Variants in C1GALT1 observed in about 807,000 individuals in gnomAD.
C1GALT1 encodes the protein core 1 synthase, glycoprotein-N-acetylgalactosamine 3-beta-galactosyltransferase 1, also known as glycoprotein-N-acetylgalactosamine 3-beta-galactosyltransferase 1.
A neutral mutation model predicts 31.0 loss-of-function variants in C1GALT1; 11 were observed. The observed-to-expected ratio is 0.36, with a 90% CI of 0.22 to 0.59. The LOEUF (loss-of-function observed/expected upper bound fraction) is 0.59. Ranked by LOEUF, C1GALT1 falls within the 20% of genes least tolerant of loss-of-function variation. The probability of loss-of-function intolerance (pLI) is 0.79; values close to 1 mark genes in which losing one functional copy is unlikely to be tolerated. For missense variants in C1GALT1, 424 were observed against 425.2 expected, an observed-to-expected ratio of 1.00 and a Z score of 0.03; for synonymous variants, 175 against 143.6, an observed-to-expected ratio of 1.22 and a Z score of -1.56.
chr7:7,219,987 T>A (rs1262737050), intron 1 of C1GALT1, among the ~76,000 whole-genome samples: 5 of 152,230 alleles, frequency 3.3e-5, no homozygotes, highest in African/African-American at 1.2e-4. Flanking sequence ...TGATTCTGAT[T>A]TGGGATATTA....
rs118031283 is a variant in C1GALT1, at chr7:7,235,508, G to C, written c.220+969G>C. Among the ~76,000 whole-genome samples, 164 of 152,342 alleles carry C rather than the reference G, an allele frequency of 1.1e-3. 1 individual carries two copies. Among genetic ancestry groups the C allele is most frequent in the Non-Finnish European group, 1.1e-3 (78 of 68,034 alleles). The stretch of plus-strand genomic sequence containing the variant: ...AAGTGCTCTGTGTTCCTACAGAACA[G>C]TTTGGTCACTGTGTATTTGCTCTGT... On this transcript the variant is annotated intron_variant, in intron 2 of 3. Transcript: ENST00000436587.
In C1GALT1 at chr7:7,243,758, G is replaced by A; in HGVS notation, c.*31G>A. The A allele has an allele frequency of 6.8e-7, 1 of 1,473,476 alleles. No homozygotes were observed. 91.3% of individuals were successfully genotyped at this position (1,473,476 alleles called of 1,614,324 possible). On this transcript the variant is annotated 3_prime_UTR_variant, in exon 4 of 4. Transcript: ENST00000436587. ...AATCATGAATGAACAAAGGTAATAT[G>A]TCTAGCACTGCACTGAAAAAGGACT...
chr7:7,185,014 A>G (rs1395470704), intron 1 of C1GALT1, among the ~76,000 whole-genome samples: 1 of 152,212 alleles, frequency 6.6e-6, no homozygotes, highest in African/African-American at 2.4e-5. Flanking sequence ...TGTGTACTTA[A>G]ATTATTTTGC....
chr7:7,180,537 G>C (rs1465395654), upstream of C1GALT1, among the ~76,000 whole-genome samples: 1 of 152,152 alleles, frequency 6.6e-6, no homozygotes, highest in Non-Finnish European at 1.5e-5. Context: ...CAGATAATAC[G>C]ATCCAATTTA....
rs186708488 is a variant in C1GALT1 at position 7,174,981 on chromosome 7, T to A, written c.-18+17555T>A. Reference sequence around the variant, plus strand: ...CTTCCTCAGGGACAGTTTCTATCCATTTATTTTGTTCCTTTGAATGAGCCA... The same window carrying A: ...CTTCCTCAGGGACAGTTTCTATCCAATTATTTTGTTCCTTTGAATGAGCCA... On this transcript the variant is annotated intron_variant, in intron 2 of 3. Transcript: ENST00000429911. 7.2e-5 allele frequency among the ~76,000 whole-genome samples: 11 copies of A among 152,306 alleles called. No individual in the cohort carries two copies. In the East Asian group the frequency reaches 2.1e-3, roughly 29 times the overall value.
At chr7:7,242,432 A>G (rs931830822) in intron 3 of C1GALT1, among the ~76,000 whole-genome samples, 1 of 152,086 alleles carries the variant, frequency 6.6e-6, no homozygotes, top group Non-Finnish European at 1.5e-5. Flanking sequence ...GAGAAAACGC[A>G]GTGGACAGTT....
intron 1 of C1GALT1, among the ~76,000 whole-genome samples, chr7:7,207,136 G>A (rs75518213): frequency 1.3e-5 from 2 of 152,034 alleles, no homozygotes; most frequent in South Asian, 4.2e-4. Flanking sequence ...TTCTTCAGCC[G>A]TTTTTCTTTG....
chr7:7,161,742 G>A (rs1251391589), intron 2 of C1GALT1, among the ~76,000 whole-genome samples: 2 of 152,046 alleles, frequency 1.3e-5, no homozygotes, highest in Admixed American at 6.6e-5. Context: ...CTATCAGATT[G>A]TGTCACAATG....
intron 1 of C1GALT1, among the ~76,000 whole-genome samples, chr7:7,187,714 T>G (rs1004714273): frequency 6.6e-6 from 1 of 151,780 alleles, no homozygotes; most frequent in African/African-American, 2.4e-5. Context: ...TTTACAGAGG[T>G]TGGTGGGAAG....
At chr7:7,219,120 G>C (rs1261216436) in intron 1 of C1GALT1, among the ~76,000 whole-genome samples, 1 of 152,190 alleles carries the variant, frequency 6.6e-6, no homozygotes, top group Non-Finnish European at 1.5e-5. Flanking sequence ...TTACAGGCGT[G>C]AGCCACTGCG....
At chr7:7,188,812 T>C (rs1780932146) in intron 1 of C1GALT1, among the ~76,000 whole-genome samples, 1 of 152,206 alleles carries the variant, frequency 6.6e-6, no homozygotes, top group Non-Finnish European at 1.5e-5. Context: ...CATTGTGTTA[T>C]GGATAAAATA....
At chr7:7,170,066 C>T (rs1246341254) in intron 2 of C1GALT1, among the ~76,000 whole-genome samples, 1 of 152,176 alleles carries the variant, frequency 6.6e-6, no homozygotes, top group East Asian at 1.9e-4. Flanking sequence ...TCTATTTCAT[C>T]TTGAGTAAGT....
chr7:7,203,387 T>A (rs986220630), intron 1 of C1GALT1, among the ~76,000 whole-genome samples: 11 of 152,128 alleles, frequency 7.2e-5, no homozygotes, highest in African/African-American at 2.7e-4. Flanking sequence ...CTCGTGAGTG[T>A]TTATATCATG....
chr7:7,188,102 A>G (rs776196542), intron 1 of C1GALT1, among the ~76,000 whole-genome samples: 4 of 152,104 alleles, frequency 2.6e-5, no homozygotes, highest in Non-Finnish European at 5.9e-5. Context: ...AATAGGATAA[A>G]TACTAGAAAT....
At chr7:7,195,967 G>T (rs943133262) in intron 1 of C1GALT1, among the ~76,000 whole-genome samples, 1 of 152,012 alleles carries the variant, frequency 6.6e-6, no homozygotes, top group Non-Finnish European at 1.5e-5. Context: ...AGTCTGTTTC[G>T]TCTGAAACAA....
upstream of C1GALT1, among the ~76,000 whole-genome samples, chr7:7,181,068 T>C (rs565513134): frequency 5.9e-5 from 9 of 152,328 alleles, no homozygotes; most frequent in African/African-American, 1.9e-4. Flanking sequence ...AAAGTGTTAT[T>C]CTTTATTAAT....
At chr7:7,224,497 G>A (rs1200569901) in intron 1 of C1GALT1, among the ~76,000 whole-genome samples, 1 of 152,118 alleles carries the variant, frequency 6.6e-6, no homozygotes, top group Non-Finnish European at 1.5e-5. Context: ...TTTTAAAATT[G>A]TGAGTTCAGT....
At chr7:7,178,842 A>G (rs539542252), upstream of C1GALT1, among the ~76,000 whole-genome samples, 19 of 152,338 alleles carry the variant, frequency 1.2e-4, no homozygotes, top group African/African-American at 3.8e-4. Context: ...ATAACAAACT[A>G]TCCCAAAACT....
At chr7:7,164,590 T>C (rs1413013373) in intron 2 of C1GALT1, among the ~76,000 whole-genome samples, 4 of 152,124 alleles carry the variant, frequency 2.6e-5, no homozygotes, top group African/African-American at 4.8e-5. Flanking sequence ...GAAGCAGGAT[T>C]GGACAGTGGG....
Sources: allele counts gnomAD v4.1 joint callset (sites outside exome capture counted in the v4.1 genomes callset), GRCh38; gene constraint gnomAD v4.1.1; transcripts MANE v1.5; gene names NCBI Gene and HGNC (gene_info 2026-07-23, HGNC 2026-07-21).